RHOJ: variants seen among roughly 807,000 people sequenced by gnomAD.
The protein encoded by RHOJ is ras homolog family member J.
Under a neutral mutation model 23.4 loss-of-function variants are expected in RHOJ, and 11 were observed. The observed-to-expected ratio is 0.47, with a 90% CI of 0.30 to 0.78. RHOJ has a LOEUF of 0.78. RHOJ is among the 30% of genes least tolerant of loss of function. The pLI is 0.08. For missense variants in RHOJ, 254 were observed against 273.4 expected, an observed-to-expected ratio of 0.93 and a Z score of 0.50; for synonymous variants, 102 against 102.7, an observed-to-expected ratio of 0.99 and a Z score of 0.04.
intron 1 of RHOJ, among the ~76,000 whole-genome samples, chr14:63,253,594 C>T (rs1449111153): frequency 1.3e-5 from 2 of 152,308 alleles, no homozygotes; most frequent in East Asian, 1.9e-4. Context: ...ACACTTCCCC[C>T]TCCTTACCTA....
chr14:63,270,170 CTTT>C (rs10680889), intron 2 of RHOJ, among the ~76,000 whole-genome samples: 1 of 128,192 alleles, frequency 7.8e-6, no homozygotes, highest in Admixed American at 7.9e-5. Flanking sequence ...TCGTCTAGGC[CTTT>C]TTTTTTTTTT....
At chr14:63,279,435 T>C (rs1454258548) in intron 2 of RHOJ, among the ~76,000 whole-genome samples, 3 of 152,240 alleles carry the variant, frequency 2.0e-5, no homozygotes, top group Non-Finnish European at 4.4e-5. Context: ...ACAAAGTTAC[T>C]GTCTGTTTAT....
At chr14:63,236,006 T>C (rs1007015401) in intron 1 of RHOJ, among the ~76,000 whole-genome samples, 1 of 152,258 alleles carries the variant, frequency 6.6e-6, no homozygotes, top group African/African-American at 2.4e-5. Flanking sequence ...TCTCCATCCT[T>C]AAATACATTT....
chr14:63,264,190 G>T (rs1196096656), intron 1 of RHOJ, among the ~76,000 whole-genome samples: 3 of 151,960 alleles, frequency 2.0e-5, no homozygotes, highest in Admixed American at 6.6e-5. Flanking sequence ...CCCCACTCTA[G>T]TAGTCCCCAC....
chr14:63,253,746 G>T (rs756103610), intron 1 of RHOJ, among the ~76,000 whole-genome samples: 54 of 152,200 alleles, frequency 3.5e-4, no homozygotes, highest in Admixed American at 6.5e-4. Context: ...CAGAAGATCT[G>T]ATCCTTGCAG....
intron 2 of RHOJ, among the ~76,000 whole-genome samples, chr14:63,271,122 A>T (rs1895461203): frequency 6.6e-6 from 1 of 152,242 alleles, no homozygotes. Context: ...CTGACACAAA[A>T]GCGATGAAGA....
At chr14:63,290,534 G>C (rs1882213019) in intron 4 of RHOJ, among the ~76,000 whole-genome samples, 1 of 151,924 alleles carries the variant, frequency 6.6e-6, no homozygotes, top group Admixed American at 6.6e-5. Context: ...TTATATCATT[G>C]GTTTTGAATT....
At chr14:63,227,801 A>C (rs953815884) in intron 1 of RHOJ, among the ~76,000 whole-genome samples, 1 of 152,384 alleles carries the variant, frequency 6.6e-6, no homozygotes, top group African/African-American at 2.4e-5. Context: ...GCAAGGATGT[A>C]GAAAAATAAA....
At chr14:63,251,355 CT>C (rs1895067856) in intron 1 of RHOJ, among the ~76,000 whole-genome samples, 1 of 152,210 alleles carries the variant, frequency 6.6e-6, no homozygotes, top group Non-Finnish European at 1.5e-5. Context: ...GAAATGGCTT[CT>C]GAAGTATATA....
chr14:63,238,425 A>T (rs1033765223), intron 1 of RHOJ, among the ~76,000 whole-genome samples: 5 of 151,288 alleles, frequency 3.3e-5, no homozygotes, highest in African/African-American at 1.2e-4. Flanking sequence ...TATTATTATT[A>T]TTATTTTTTT....
chr14:63,261,589 G>A lies in RHOJ; in HGVS notation c.179-7521G>A, dbSNP rs1039589314. Among the ~76,000 whole-genome samples the A allele has an allele frequency of 1.4e-4, 21 of 148,410 alleles. No individual in the cohort carries two copies. In the East Asian group the frequency reaches 3.1e-3, roughly 22 times the overall value. The stretch of plus-strand genomic sequence containing the variant: ...GGGGCTACTTGATACACACCACCAT[G>A]CCCAGCTAATTTTTTTTTTTTTTTC... On this transcript the variant is annotated intron_variant, in intron 1 of 4. Transcript: ENST00000316754.
At position 63,258,101 on chromosome 14, in the gene RHOJ, G is replaced by A. The variant is rs183649815; in HGVS notation, c.179-11009G>A. On this transcript the variant is annotated intron_variant, in intron 1 of 4. Coordinates refer to ENST00000316754, the MANE Select transcript of RHOJ (RefSeq NM_020663.5). ...AAATAAGCCAGGCTCAGTGGCGGGCGCCTGTCATCCCAGCTACTCAGGAGT... is the reference window on the plus strand; with the variant it reads ...AAATAAGCCAGGCTCAGTGGCGGGCACCTGTCATCCCAGCTACTCAGGAGT... Among the ~76,000 whole-genome samples, 496 of 144,110 alleles carry A rather than the reference G, an allele frequency of 3.4e-3. 32 individuals carry two copies. Among genetic ancestry groups the A allele is most frequent in the Admixed American group, 7.8e-3 (114 of 14,614 alleles). The allele number at this position is 144,110 out of a possible 152,430, so 94.5% of individuals were successfully genotyped here.
In RHOJ at chr14:63,227,098, C is replaced by A. The variant is rs142340552; in HGVS notation, c.178+22051C>A. Among the ~76,000 whole-genome samples the A allele has an allele frequency of 3.9e-3, 595 of 152,144 alleles. 13 individuals are homozygous for A. The East Asian group carries it at 0.053, about 13-fold the overall frequency. The stretch of plus-strand genomic sequence containing the variant: ...TGCCAAGTAGCTGGGATTACAGGCG[C>A]CTGCCACCATGCCCAGCTGATTTTT... On this transcript the variant is annotated intron_variant, in intron 1 of 4. Coordinates refer to ENST00000316754, the MANE Select transcript of RHOJ (RefSeq NM_020663.5).
intron 1 of RHOJ, among the ~76,000 whole-genome samples, chr14:63,254,530 G>A (rs1895128829): frequency 6.6e-6 from 1 of 152,136 alleles, no homozygotes; most frequent in Admixed American, 6.5e-5. Context: ...GGCCTTAGAG[G>A]CTTCTCTTTG....
chr14:63,212,823 T>C (rs1894267601), intron 1 of RHOJ, among the ~76,000 whole-genome samples: 1 of 152,228 alleles, frequency 6.6e-6, no homozygotes, highest in Non-Finnish European at 1.5e-5. Context: ...AAATAACAAT[T>C]AATACATACT....
chr14:63,236,536 C>T (rs1566613597), intron 1 of RHOJ, among the ~76,000 whole-genome samples: 1 of 152,166 alleles, frequency 6.6e-6, no homozygotes, highest in Non-Finnish European at 1.5e-5. Context: ...TCATGAGACT[C>T]ATTCAACACC....
chr14:63,284,565 G>A (rs763419084), intron 4 of RHOJ, among the ~76,000 whole-genome samples: 11 of 152,208 alleles, frequency 7.2e-5, no homozygotes, highest in Non-Finnish European at 1.3e-4. Flanking sequence ...TGACCGTCAC[G>A]TAAATGACCT....
rs961298348 is a variant in RHOJ, at chr14:63,292,349, T to C, written c.*1325T>C. On this transcript the variant is annotated 3_prime_UTR_variant, in exon 5 of 5. Transcript: ENST00000316754. ...ACTTTGGCCCTGGGAAAGCAAAAGC[T>C]CCCAGTAAGGAATCCTGTGCCCAAT... 6.6e-6 allele frequency: 1 copy of C among 152,170 alleles called. No homozygotes were observed. Among genetic ancestry groups the C allele is most frequent in the African/African-American group, 2.4e-5 (1 of 41,430 alleles). The allele number at this position is 152,170 out of a possible 1,614,324, so 9.4% of individuals were successfully genotyped here.
At chr14:63,278,154 G>T (rs1221008375) in intron 2 of RHOJ, among the ~76,000 whole-genome samples, 1 of 152,046 alleles carries the variant, frequency 6.6e-6, no homozygotes, top group East Asian at 1.9e-4. Context: ...TTTGTTTTGG[G>T]TTTATTTTTT....
Sources: gnomAD v4.1 joint callset for allele counts (sites outside exome capture counted in the v4.1 genomes callset) on GRCh38, gnomAD v4.1.1 for gene constraint, MANE v1.5 for transcripts, NCBI Gene and HGNC (gene_info 2026-07-23, HGNC 2026-07-21) for gene names.